PTPRG: variants seen among roughly 807,000 people sequenced by gnomAD.
PTPRG encodes receptor-type tyrosine-protein phosphatase gamma.
PTPRG carries 102 observed loss-of-function variants against 165.3 expected under a neutral mutation model. The ratio of observed to expected loss-of-function variants is 0.62; its 90% confidence interval spans 0.53 to 0.73. The LOEUF (loss-of-function observed/expected upper bound fraction) is 0.73, where lower values mean the gene tolerates loss of function less well. Among genes scored for constraint, PTPRG ranks in the 30% least tolerant of loss-of-function variants. The pLI is 0.00. For synonymous variants in PTPRG, 675 were observed against 669.5 expected (o/e 1.01, Z -0.13); for missense variants, 1,866 against 1,861.4 (o/e 1.00, Z -0.05).
intron 1 of PTPRG, among the ~76,000 whole-genome samples, chr3:61,733,688 T>A (rs1366261573): frequency 6.6e-6 from 1 of 152,234 alleles, no homozygotes; most frequent in Non-Finnish European, 1.5e-5. Context: ...ATTCCTGACT[T>A]CTTCCCAAAA....
intron 1 of PTPRG, among the ~76,000 whole-genome samples, chr3:61,717,022 T>C (rs115686692): frequency 6.6e-6 from 1 of 152,152 alleles, no homozygotes; most frequent in Admixed American, 6.5e-5. Flanking sequence ...TCATAACCAA[T>C]TATGGTGACT....
chr3:62,017,615 G>C (rs1309456819), intron 4 of PTPRG, among the ~76,000 whole-genome samples: 1 of 149,560 alleles, frequency 6.7e-6, no homozygotes, highest in African/African-American at 2.5e-5. Flanking sequence ...TAGTAGAGAC[G>C]GGGTTTCACC....
chr3:62,128,631 G>A (rs1171469410), intron 5 of PTPRG, among the ~76,000 whole-genome samples: 2 of 150,914 alleles, frequency 1.3e-5, no homozygotes, highest in South Asian at 2.1e-4. Flanking sequence ...ACAACATTAT[G>A]AGACTGTATC....
At chr3:61,699,802 A>G (rs1338152123) in intron 1 of PTPRG, among the ~76,000 whole-genome samples, 2 of 152,368 alleles carry the variant, frequency 1.3e-5, no homozygotes, top group African/African-American at 4.8e-5. Flanking sequence ...AGCTAGCTTC[A>G]GAGCAGGAAA....
chr3:62,089,506 C>T (rs1701861121), intron 5 of PTPRG, among the ~76,000 whole-genome samples: 1 of 152,130 alleles, frequency 6.6e-6, no homozygotes, highest in Admixed American at 6.5e-5. Context: ...AATATTTTAT[C>T]CTTCCTGCCT....
At chr3:61,665,469 T>TACACACACACACACACACAC (rs10662394) in intron 1 of PTPRG, among the ~76,000 whole-genome samples, 6 of 144,026 alleles carry the variant, frequency 4.2e-5, no homozygotes, top group Middle Eastern at 3.6e-3. Context: ...TGTAAATAAA[T>TACACACACACACACACACAC]ACACACACAC....
chr3:61,939,618 T>A (rs1465166599), intron 2 of PTPRG, among the ~76,000 whole-genome samples: 1 of 152,212 alleles, frequency 6.6e-6, no homozygotes, highest in Non-Finnish European at 1.5e-5. Flanking sequence ...TTTTCAATAA[T>A]AGTACATGAA....
intron 1 of PTPRG, among the ~76,000 whole-genome samples, chr3:61,724,636 C>G (rs2032184209): frequency 1.3e-5 from 2 of 151,998 alleles, no homozygotes; most frequent in Admixed American, 1.3e-4. Context: ...TTTTTTGCAT[C>G]CACCCCAGCA....
chr3:61,816,401 G>A (rs1378005579), intron 2 of PTPRG, among the ~76,000 whole-genome samples: 1 of 152,072 alleles, frequency 6.6e-6, no homozygotes, highest in Non-Finnish European at 1.5e-5. Context: ...GCATGGTGGT[G>A]GGGGCCCGTA....
At chr3:61,833,588 A>G (rs1481149010) in intron 2 of PTPRG, among the ~76,000 whole-genome samples, 3 of 151,928 alleles carry the variant, frequency 2.0e-5, no homozygotes, top group Non-Finnish European at 4.4e-5. Flanking sequence ...TTTGGAGACA[A>G]GTCTCACTCT....
chr3:62,066,426 G>A (rs185877895), intron 4 of PTPRG, among the ~76,000 whole-genome samples: 7 of 152,286 alleles, frequency 4.6e-5, no homozygotes. Context: ...TATCCAAAAT[G>A]ATTTTCCAGA....
intron 1 of PTPRG, chr3:61,742,466 G>C: frequency 6.3e-7 from 1 of 1,578,660 alleles, no homozygotes; most frequent in Non-Finnish European, 8.6e-7. Flanking sequence ...TAATATAGGC[G>C]CTGGGGCTTG....
At chr3:62,095,760 G>T (rs927770737) in intron 5 of PTPRG, among the ~76,000 whole-genome samples, 6 of 152,118 alleles carry the variant, frequency 3.9e-5, no homozygotes, top group Non-Finnish European at 8.8e-5. Context: ...AGGTTTGGGG[G>T]AGTCAAGAAA....
At chr3:61,595,185 G>T (rs4447758) in intron 1 of PTPRG, among the ~76,000 whole-genome samples, 129,974 of 148,796 alleles carry the variant, frequency 0.87, 56,410 homozygotes, top group South Asian at 0.97. Context: ...AGATGTGTTT[G>T]TTTTTTTTTT....
At chr3:61,606,630 C>A (rs1356214159) in intron 1 of PTPRG, among the ~76,000 whole-genome samples, 1 of 152,230 alleles carries the variant, frequency 6.6e-6, no homozygotes, top group Non-Finnish European at 1.5e-5. Flanking sequence ...TCTTACACTT[C>A]TGGAGGCTGG....
chr3:62,058,193 G>C (rs1007015933), intron 4 of PTPRG, among the ~76,000 whole-genome samples: 1 of 152,138 alleles, frequency 6.6e-6, no homozygotes, highest in African/African-American at 2.4e-5. Flanking sequence ...TGTGTACCTA[G>C]CCCAAGCTAT....
intron 2 of PTPRG, among the ~76,000 whole-genome samples, chr3:61,935,240 C>T (rs1031977789): frequency 3.3e-5 from 5 of 152,172 alleles, no homozygotes; most frequent in African/African-American, 1.2e-4. Context: ...CCAGTTTGCT[C>T]ATTTATTCTT....
chr3:62,097,616 T>C (rs1270369059), intron 5 of PTPRG, among the ~76,000 whole-genome samples: 1 of 152,188 alleles, frequency 6.6e-6, no homozygotes, highest in Non-Finnish European at 1.5e-5. Context: ...CTAGATGATA[T>C]CCTGCATATG....
intron 2 of PTPRG, among the ~76,000 whole-genome samples, chr3:61,759,176 T>C (rs2033746917): frequency 1.3e-5 from 2 of 152,218 alleles, no homozygotes; most frequent in Non-Finnish European, 2.9e-5. Context: ...TCTTTCTTGC[T>C]ATTAAAACTT....
Sources: gnomAD v4.1 joint callset for allele counts (sites outside exome capture counted in the v4.1 genomes callset) on GRCh38, gnomAD v4.1.1 for gene constraint, MANE v1.5 for transcripts, NCBI Gene and HGNC (gene_info 2026-07-23, HGNC 2026-07-21) for gene names.